The following TICRR variants were observed in gnomAD, a reference collection of about 807,000 sequenced individuals.
The protein encoded by TICRR is TOPBP1 interacting checkpoint and replication regulator.
TICRR carries 132 observed loss-of-function variants against 178.1 expected under a neutral mutation model. That is an observed-to-expected ratio of 0.74 (90% CI 0.64 to 0.86). The LOEUF (loss-of-function observed/expected upper bound fraction) is 0.86, where lower values mean the gene tolerates loss of function less well. Among genes scored for constraint, TICRR ranks in the 40% least tolerant of loss-of-function variants. TICRR has a pLI of 0.00. For missense variants in TICRR, 2,587 were observed against 2,334.3 expected (o/e 1.11, Z -2.23); for synonymous variants, 991 against 900.7 (o/e 1.10, Z -1.79).
rs866915632 is a variant in TICRR, at chr15:89,602,821, A to G, written c.2593A>G (p.Ser865Gly). The part of the protein sequence containing the change: ...RRKNALIRHK[S>G]IAEVSQNLRQ... ...GAAAAATGCATTAATAAGACATAAA[A>G]GCATTGCTGAGGTTTCACAGAATCT... The change falls in exon 13 of 22, where the codon AGC (serine) becomes GGC (glycine). Residue 865 changes from serine (S) to glycine (G), a missense_variant. Transcript: ENST00000268138. 6.6e-7 allele frequency: 1 copy of G among 1,513,960 alleles called. No homozygotes were observed. The allele number at this position is 1,513,960 out of a possible 1,614,324, so 93.8% of individuals were successfully genotyped here. A position where few individuals can be genotyped will look rare whatever the true frequency, so the allele number is the denominator to read the frequency against.
chr15:89,617,228 C>T (rs1200028538), intron 16 of TICRR, among the ~76,000 whole-genome samples: 2 of 152,098 alleles, frequency 1.3e-5, no homozygotes, highest in African/African-American at 4.8e-5. Flanking sequence ...TTGTCAGAAA[C>T]CCATCTCGAC....
chr15:89,613,238 C>G (rs72750746), intron 15 of TICRR, among the ~76,000 whole-genome samples: 1 of 152,050 alleles, frequency 6.6e-6, no homozygotes, highest in Non-Finnish European at 1.5e-5. Context: ...TTTCTCTCAG[C>G]ACTTTGAATA....
intron 13 of TICRR, 67 bp from the exon 14 acceptor site, chr15:89,606,701 A>C (rs1229998439): frequency 4.6e-6 from 6 of 1,300,402 alleles, no homozygotes; most frequent in Non-Finnish European, 6.7e-6. Context: ...GTTCATGTGA[A>C]ATCTTTATTC....
chr15:89,613,540 G>T (rs1218507649), intron 15 of TICRR, among the ~76,000 whole-genome samples: 1 of 152,004 alleles, frequency 6.6e-6, no homozygotes, highest in Non-Finnish European at 1.5e-5. Context: ...TGGACTTCCG[G>T]TATGTGTGTG....
At chr15:89,600,342 C>T (rs189370702) in intron 8 of TICRR, among the ~76,000 whole-genome samples, 215 of 152,252 alleles carry the variant, frequency 1.4e-3, no homozygotes, top group Admixed American at 2.5e-3. Context: ...CTTTATGGAA[C>T]GTTTCTTTTA....
chr15:89,582,500 A>G (rs572599424), intron 1 of TICRR, among the ~76,000 whole-genome samples, 186 bp from the exon 2 acceptor site: 1 of 152,234 alleles, frequency 6.6e-6, no homozygotes, highest in East Asian at 1.9e-4. Flanking sequence ...TAAGGTAGTA[A>G]TTTGTTCTGG....
Position 89,584,409 on chromosome 15 carries a change from C to A in TICRR, c.1058C>A (p.Thr353Lys), listed in dbSNP as rs746440485. The A allele has an allele frequency of 6.8e-6, 11 of 1,614,142 alleles. No homozygotes were observed. Among genetic ancestry groups the A allele is most frequent in the African/African-American group, 1.3e-5 (1 of 75,040 alleles). ...KGSVAQWSLPTSSTLGTDSWM... is the reference protein window; with the variant it reads ...KGSVAQWSLPKSSTLGTDSWM... The stretch of plus-strand genomic sequence containing the variant: ...TCAGTGGCCCAGTGGTCTCTCCCAA[C>A]GAGCAGCACTTTGGGCACTGACAGC... Residue 353 changes from threonine to lysine, a missense_variant, in exon 3 of 22, where the codon ACG (threonine) becomes AAG (lysine). Physicochemically the swap from Thr to Lys is moderately conservative, Grantham distance 78 (BLOSUM62 -1). Transcript: ENST00000268138.
At chr15:89,580,531 CTAAT>C (rs1463149494) in intron 1 of TICRR, among the ~76,000 whole-genome samples, 1 of 152,186 alleles carries the variant, frequency 6.6e-6, no homozygotes, top group East Asian at 1.9e-4. Context: ...ACATCACATA[CTAAT>C]TAATTGGTTA....
intron 7 of TICRR, among the ~76,000 whole-genome samples, chr15:89,597,739 A>G (rs776555625): frequency 2.6e-5 from 4 of 152,174 alleles, no homozygotes; most frequent in Non-Finnish European, 4.4e-5. Flanking sequence ...TCGCCTCTTC[A>G]TATAAACTTT....
At position 89,601,512 on chromosome 15, in the gene TICRR, G is replaced by A; in HGVS notation, c.2271G>A (p.Val757=). 1.2e-6 allele frequency: 2 copies of A among 1,614,206 alleles called. No individual in the cohort carries two copies. The highest frequency in any genetic ancestry group is 1.6e-4 in the Middle Eastern group (1 of 6,062). Reference sequence around the variant, plus strand: ...AGGTGACAGATTTGCTGCGCATGGTGTGTTTAACTGAGGATTCAGCGTACC... The same window carrying A: ...AGGTGACAGATTTGCTGCGCATGGTATGTTTAACTGAGGATTCAGCGTACC... ...VEEVTDLLRM[V]CLTEDSAYLA... is the part of the protein sequence containing the mutation. The change falls in exon 11 of 22, where the codon GTG becomes GTA. Residue 757 remains valine (V), a synonymous_variant. Transcript: ENST00000268138.
At chr15:89,590,525 G>A (rs1364255664) in intron 4 of TICRR, among the ~76,000 whole-genome samples, 3 of 152,296 alleles carry the variant, frequency 2.0e-5, no homozygotes, top group Admixed American at 6.5e-5. Context: ...CTCTGCTGTA[G>A]CATGGCCCAC....
chr15:89,623,669 C>T lies in TICRR; in HGVS notation c.3359C>T (p.Thr1120Ile), dbSNP rs1963460692. The change falls in exon 20 of 22, where the codon ACA (threonine) becomes ATA (isoleucine). Residue 1120 changes from threonine to isoleucine, a missense_variant. Transcript: ENST00000268138. ...AAATCTCTGAGCTTTTCTAAAACTA[C>T]ACCAAGAAGGATCTCTCATACACCA... ...HQKSLSFSKT[T>I]PRRISHTPQT... is the part of the protein sequence containing the mutation. 6.2e-7 allele frequency: 1 copy of T among 1,612,206 alleles called. No individual in the cohort carries two copies. Among genetic ancestry groups the T allele is most frequent in the African/African-American group, 1.3e-5 (1 of 74,806 alleles).
At chr15:89,590,744 A>G (rs1233923248) in intron 4 of TICRR, among the ~76,000 whole-genome samples, 1 of 152,186 alleles carries the variant, frequency 6.6e-6, no homozygotes, top group Non-Finnish European at 1.5e-5. Flanking sequence ...TACTCTTCCT[A>G]TACTGGGAGC....
chr15:89,602,212 A>T (rs1963110328), intron 12 of TICRR, among the ~76,000 whole-genome samples: 1 of 152,246 alleles, frequency 6.6e-6, no homozygotes, highest in African/African-American at 2.4e-5. Flanking sequence ...ACATCCTGAG[A>T]AATGCATTGT....
At chr15:89,582,591 A>T in intron 1 of TICRR, 95 bp from the exon 2 acceptor site, 1 of 1,126,226 alleles carries the variant, frequency 8.9e-7, no homozygotes, top group Non-Finnish European at 1.3e-6. Flanking sequence ...ATCCTTTAAT[A>T]TTGGTATCAA....
intron 15 of TICRR, among the ~76,000 whole-genome samples, chr15:89,610,204 A>G (rs371980463): frequency 2.0e-4 from 31 of 152,338 alleles, no homozygotes; most frequent in South Asian, 6.2e-4. Flanking sequence ...GAAGCATTCT[A>G]TAGATGTGTG....
chr15:89,625,331 G>A lies in TICRR; in HGVS notation c.5021G>A (p.Ser1674Asn), dbSNP rs142010949. ...CCTTGGACACCATCCCCCAAGCACAGTGGGAAGACAACTCCAGACATAATT... is the reference window on the plus strand; with the variant it reads ...CCTTGGACACCATCCCCCAAGCACAATGGGAAGACAACTCCAGACATAATT... The part of the protein sequence containing the change: ...GVPWTPSPKH[S>N]GKTTPDIIKD... The change falls in exon 20 of 22, where the codon AGT (serine) becomes AAT (asparagine). Residue 1674 changes from serine to asparagine, a missense_variant. By Grantham distance (46) the Ser-to-Asn change is conservative (BLOSUM62 1). Transcript: ENST00000268138. 2 of 1,613,972 alleles carry A rather than the reference G, an allele frequency of 1.2e-6. No homozygotes were observed. The highest frequency in any genetic ancestry group is 2.7e-5 in the African/African-American group (2 of 74,910).
chr15:89,624,765 GGAA>G lies in TICRR; in HGVS notation c.4458_4460del (p.Glu1487del), dbSNP rs759654029. 21 of 1,614,094 alleles carry G rather than the reference GGAA, an allele frequency of 1.3e-5. No individual in the cohort carries two copies. The African/African-American group carries it at 2.5e-4, about 19-fold the overall frequency. ...ACTTGAAAAGTAACGTCTTATCAGT[GGAA>G]GAGGGTGAGGGGCTAAGGACAGCAG... On this transcript the variant is annotated inframe_deletion, in exon 20 of 22. Coordinates refer to ENST00000268138, the MANE Select transcript of TICRR (RefSeq NM_152259.4).
chr15:89,593,427 C>T (rs921519299), intron 5 of TICRR, among the ~76,000 whole-genome samples: 2 of 152,074 alleles, frequency 1.3e-5, no homozygotes, highest in Non-Finnish European at 2.9e-5. Flanking sequence ...AATCCAGGCC[C>T]GGCATGGTGG....
Sources: gnomAD v4.1 joint callset for allele counts (sites outside exome capture counted in the v4.1 genomes callset) on GRCh38, gnomAD v4.1.1 for gene constraint, MANE v1.5 for transcripts, NCBI Gene and HGNC (gene_info 2026-07-23, HGNC 2026-07-21) for gene names.